The following LUC7L variants were observed in gnomAD, a reference collection of about 807,000 sequenced individuals.
The protein encoded by LUC7L is putative RNA-binding protein Luc7-like 1.
In LUC7L, 29 loss-of-function variants were observed where a neutral mutation model predicts 51.1. The ratio of observed to expected loss-of-function variants is 0.57; its 90% CI spans 0.42 to 0.77. The LOEUF (loss-of-function observed/expected upper bound fraction) is 0.77. Among genes scored for constraint, LUC7L ranks in the 30% least tolerant of loss-of-function variants. The pLI is 0.00. For missense variants in LUC7L, 403 were observed against 511.9 expected (o/e 0.79, Z 2.05); for synonymous variants, 181 against 180.7 (o/e 1.00, Z -0.01).
chr16:229,294 C>A lies in LUC7L; in HGVS notation c.46G>T (p.Gly16Cys). 6.5e-7 allele frequency: 1 copy of A among 1,541,470 alleles called. No individual in the cohort carries two copies. Among genetic ancestry groups the A allele is most frequent in the Non-Finnish European group, 8.7e-7 (1 of 1,151,252 alleles). ...QMRALLDQLM[G>C]TARDGDETRQ... ...TCTGACTCACCGTCCCGAGCCGTGC[C>A]CATGAGCTGGTCCAGCAGGGCCCGC... Residue 16 changes from glycine to cysteine, a missense_variant, in exon 1 of 10, where the codon GGC becomes TGC. Physicochemically the swap from Gly to Cys is radical, Grantham distance 159 (BLOSUM62 -3). Coordinates refer to ENST00000293872, the MANE Select transcript of LUC7L (RefSeq NM_201412.3).
At chr16:197,335 C>T (rs2142048937) in intron 6 of LUC7L, among the ~76,000 whole-genome samples, 1 of 151,468 alleles carries the variant, frequency 6.6e-6, no homozygotes, top group Non-Finnish European at 1.5e-5. Context: ...GCCTCAGCCT[C>T]CCGAGTAGCC....
intron 9 of LUC7L, chr16:189,659 C>T (rs2048956784): frequency 1.5e-6 from 2 of 1,323,718 alleles, no homozygotes; most frequent in Non-Finnish European, 1.9e-6. Context: ...AAACAAAAAC[C>T]AAAACAGAGG....
At chr16:222,947 CT>C (rs1290638844) in intron 2 of LUC7L, among the ~76,000 whole-genome samples, 4 of 120,300 alleles carry the variant, frequency 3.3e-5, no homozygotes, top group African/African-American at 9.5e-5. Context: ...GAGACCCCGT[CT>C]TTTAAAAAAA....
chr16:196,446 A>G (rs2049152273), intron 6 of LUC7L, among the ~76,000 whole-genome samples: 1 of 152,104 alleles, frequency 6.6e-6, no homozygotes, highest in Non-Finnish European at 1.5e-5. Flanking sequence ...CCCAACAACT[A>G]CAGTAGGACA....
At chr16:223,776 C>A (rs1021034879) in intron 2 of LUC7L, among the ~76,000 whole-genome samples, 1 of 151,526 alleles carries the variant, frequency 6.6e-6, no homozygotes, top group Non-Finnish European at 1.5e-5. Context: ...TTCAAGTAAT[C>A]CTCCTGCCTC....
At position 189,977 on chromosome 16, in the gene LUC7L, G is replaced by A. The variant is rs770266344; in HGVS notation, c.965C>T (p.Ala322Val). 1.0e-4 allele frequency: 165 copies of A among 1,611,612 alleles called. No individual in the cohort carries two copies. Among genetic ancestry groups the A allele is most frequent in the Middle Eastern group, 1.6e-4 (1 of 6,066 alleles). The change falls in exon 9 of 10, where the codon GCG becomes GTG. Residue 322 changes from alanine (A) to valine (V), a missense_variant. Ala to Val is a moderately conservative substitution (Grantham distance 64). Coordinates refer to ENST00000293872, the MANE Select transcript of LUC7L (RefSeq NM_201412.3). ...GAGTCAGAGTAGTTACTTGTATTTCGCACTTCGGTCCCGGGAAGCCCGACG... is the reference window on the plus strand; with the variant it reads ...GAGTCAGAGTAGTTACTTGTATTTCACACTTCGGTCCCGGGAAGCCCGACG... Reference protein sequence around the residue: ...GHRRASRDRSAKYKFSRERAS... With the variant: ...GHRRASRDRSVKYKFSRERAS...
chr16:208,538 G>T, intron 3 of LUC7L: 1 of 797,366 alleles, frequency 1.3e-6, no homozygotes, highest in Non-Finnish European at 1.6e-6. Context: ...AAAAGGCTGA[G>T]CCTAGACTCG....
intron 5 of LUC7L, among the ~76,000 whole-genome samples, chr16:202,877 G>C (rs2049373282): frequency 6.6e-6 from 1 of 152,234 alleles, no homozygotes; most frequent in Non-Finnish European, 1.5e-5. Flanking sequence ...GCCAGGAGCA[G>C]TGGCTCACGC....
At chr16:207,455 C>A (rs1430542413) in intron 4 of LUC7L, among the ~76,000 whole-genome samples, 1 of 152,154 alleles carries the variant, frequency 6.6e-6, no homozygotes, top group African/African-American at 2.4e-5. Context: ...TGGGCTCAAG[C>A]AGTCTGCCCC....
At chr16:215,623 CAA>C (rs533237473) in intron 3 of LUC7L, among the ~76,000 whole-genome samples, 30 of 73,820 alleles carry the variant, frequency 4.1e-4, no homozygotes, top group Admixed American at 7.5e-4. Context: ...AACTCCGTCT[CAA>C]AAAAAAAAAA....
In LUC7L at chr16:190,044, G is replaced by A. The variant is rs747798961; in HGVS notation, c.898C>T (p.Arg300Trp). Reference sequence around the variant, plus strand: ...CTCCGGGAACGGCTGCGGTGGCGCCGATGTCTATCTCGGGACCGGGACCGG... The same window carrying A: ...CTCCGGGAACGGCTGCGGTGGCGCCAATGTCTATCTCGGGACCGGGACCGG... The part of the protein sequence containing the change: ...LSRSRSRDRH[R>W]RHRSRSRSHS... The change falls in exon 9 of 10, where the codon CGG (arginine) becomes TGG (tryptophan). Residue 300 changes from arginine (R) to tryptophan (W), a missense_variant. Arg to Trp is a moderately radical substitution (Grantham distance 101, BLOSUM62 -3). Coordinates refer to ENST00000293872, the MANE Select transcript of LUC7L (RefSeq NM_201412.3). 15 of 1,613,822 alleles carry A rather than the reference G, an allele frequency of 9.3e-6. No individual in the cohort carries two copies. In the East Asian group the frequency reaches 1.1e-4, roughly 12 times the overall value.
At chr16:202,536 G>A (rs1312278731) in intron 5 of LUC7L, among the ~76,000 whole-genome samples, 1 of 152,116 alleles carries the variant, frequency 6.6e-6, no homozygotes, top group Non-Finnish European at 1.5e-5. Context: ...TGTTGCAACT[G>A]CCTATAGTAT....
intron 2 of LUC7L, among the ~76,000 whole-genome samples, chr16:225,124 C>A (rs1168156252): frequency 6.6e-6 from 1 of 152,112 alleles, no homozygotes; most frequent in Non-Finnish European, 1.5e-5. Flanking sequence ...AACCTGTGTT[C>A]TCTTCTGTAC....
intron 1 of LUC7L, chr16:227,660 C>G (rs944088892): frequency 1.2e-5 from 13 of 1,107,258 alleles, no homozygotes; most frequent in Non-Finnish European, 1.4e-5. Context: ...CTGCAAAACC[C>G]AAGCTAATCA....
Position 208,319 on chromosome 16 carries a change from T to C in LUC7L, c.256-131A>G, listed in dbSNP as rs2049544309. On this transcript the variant is annotated intron_variant, in intron 3 of 9. Transcript: ENST00000293872. ...GCCTGTACATTCAAGGGAAAGATCT[T>C]AAACTACACTACCACTAACGCATTC... is the stretch of plus-strand genomic sequence containing the variant. The C allele has an allele frequency of 6.2e-6, 4 of 648,956 alleles. No individual in the cohort carries two copies. In the East Asian group the frequency reaches 1.2e-4, roughly 20 times the overall value. The allele number at this position is 648,956 out of a possible 1,614,324, so 40.2% of individuals were successfully genotyped here. A position where few individuals can be genotyped will look rare whatever the true frequency, so the allele number is the denominator to read the frequency against.
chr16:228,507 C>A, intron 1 of LUC7L: 1 of 1,227,230 alleles, frequency 8.1e-7, no homozygotes, highest in Non-Finnish European at 1.0e-6. Context: ...CTAAAAAGCA[C>A]TTATTCACCT....
intron 6 of LUC7L, among the ~76,000 whole-genome samples, chr16:194,420 A>G (rs2049097316): frequency 6.6e-6 from 1 of 152,192 alleles, no homozygotes; most frequent in African/African-American, 2.4e-5. Context: ...GATTTTAACA[A>G]TGTGGTAACA....
At chr16:190,435 G>T in intron 8 of LUC7L, 106 bp downstream of exon 8, 2 of 1,242,474 alleles carry the variant, frequency 1.6e-6, no homozygotes, top group Non-Finnish European at 2.4e-6. Flanking sequence ...TCACAAGCCA[G>T]CCCTACCTGC....
At chr16:219,243 G>A (rs1265797508) in intron 3 of LUC7L, among the ~76,000 whole-genome samples, 1 of 152,026 alleles carries the variant, frequency 6.6e-6, no homozygotes, top group Non-Finnish European at 1.5e-5. Flanking sequence ...ACAAAAATGA[G>A]CTGGGCATGG....
Sources: allele counts gnomAD v4.1 joint callset (sites outside exome capture counted in the v4.1 genomes callset), GRCh38; gene constraint gnomAD v4.1.1; transcripts MANE v1.5; gene names NCBI Gene and HGNC (gene_info 2026-07-23, HGNC 2026-07-21).